The following ST6GALNAC3 variants were observed in gnomAD, a reference collection of about 807,000 sequenced individuals.
The protein encoded by ST6GALNAC3 is ST6 N-acetylgalactosaminide alpha-2,6-sialyltransferase 3, also known as alpha-N-acetylgalactosaminide alpha-2,6-sialyltransferase 3.
ST6GALNAC3 carries 25 observed loss-of-function variants against 32.7 expected under a neutral mutation model. The ratio of observed to expected loss-of-function variants is 0.76; its 90% CI spans 0.56 to 1.07. ST6GALNAC3 has a LOEUF of 1.07. Among genes scored for constraint, ST6GALNAC3 ranks in the 50% least tolerant of loss-of-function variants. The pLI is 0.00. For synonymous variants in ST6GALNAC3, 129 were observed against 133.1 expected (o/e 0.97, Z 0.21); for missense variants, 355 against 382.4 (o/e 0.93, Z 0.60).
intron 1 of ST6GALNAC3, among the ~76,000 whole-genome samples, chr1:76,304,953 A>G (rs1279357041): frequency 6.6e-6 from 1 of 152,050 alleles, no homozygotes; most frequent in African/African-American, 2.4e-5. Flanking sequence ...CATACAACCA[A>G]TGAAGCCTAT....
chr1:76,171,524 G>T (rs75703283), intron 1 of ST6GALNAC3, among the ~76,000 whole-genome samples: 16 of 149,620 alleles, frequency 1.1e-4, no homozygotes, highest in African/African-American at 3.9e-4. Context: ...AAAAATTAAC[G>T]AATAGATAGA....
At chr1:76,418,229 T>C (rs950935769) in intron 3 of ST6GALNAC3, among the ~76,000 whole-genome samples, 12 of 152,094 alleles carry the variant, frequency 7.9e-5, no homozygotes, top group African/African-American at 2.7e-4. Flanking sequence ...AGAGATGAAA[T>C]TGGCTCTCAT....
rs1343222785 is a variant in ST6GALNAC3, at chr1:76,629,831, GGT to G, written c.*1030_*1031del. 1 of 978,980 alleles carries G rather than the reference GGT, an allele frequency of 1.0e-6. No homozygotes were observed. Among genetic ancestry groups the G allele is most frequent in the African/African-American group, 1.8e-5 (1 of 56,978 alleles). 60.6% of individuals were successfully genotyped at this position (978,980 alleles called of 1,614,324 possible). ...TCAAATTTCTATTTTATAGGCCCAAGGTGTGTTTCTCCAAACATTACATTCTC... is the reference window on the plus strand; with the variant it reads ...TCAAATTTCTATTTTATAGGCCCAAGGTGTTTCTCCAAACATTACATTCTC... On this transcript the variant is annotated 3_prime_UTR_variant, in exon 5 of 5. Transcript: ENST00000328299.
At chr1:76,209,951 G>A (rs1010214953) in intron 1 of ST6GALNAC3, among the ~76,000 whole-genome samples, 1 of 151,972 alleles carries the variant, frequency 6.6e-6, no homozygotes, top group African/African-American at 2.4e-5. Context: ...TTAAGATAAC[G>A]TTGTCTCCAG....
intron 3 of ST6GALNAC3, among the ~76,000 whole-genome samples, chr1:76,531,468 A>G (rs1663250608): frequency 6.6e-6 from 1 of 152,162 alleles, no homozygotes; most frequent in Non-Finnish European, 1.5e-5. Flanking sequence ...GTTTGCTAAC[A>G]TGGGATTGGA....
intron 1 of ST6GALNAC3, among the ~76,000 whole-genome samples, chr1:76,145,464 A>G (rs1194230047): frequency 6.6e-6 from 1 of 152,178 alleles, no homozygotes; most frequent in African/African-American, 2.4e-5. Context: ...CCTTAGACCC[A>G]CTGACTCAAT....
intron 3 of ST6GALNAC3, among the ~76,000 whole-genome samples, chr1:76,575,054 A>T (rs554801483): frequency 1.8e-4 from 27 of 152,278 alleles, no homozygotes; most frequent in Admixed American, 1.8e-3. Context: ...CAAAATATTC[A>T]TTTTTATAGC....
intron 3 of ST6GALNAC3, among the ~76,000 whole-genome samples, chr1:76,579,992 T>C (rs916031952): frequency 1.3e-5 from 2 of 152,136 alleles, no homozygotes; most frequent in African/African-American, 4.8e-5. Flanking sequence ...TTAGATGTGA[T>C]ATTTTTATAA....
In ST6GALNAC3 at chr1:76,436,693, T is replaced by C. The variant is rs566362399; in HGVS notation, c.623+24276T>C. ...ACATTATATCATTTAATTCTTACAA[T>C]AATTTTTCCTTCATGAGGAAAAATA... is the stretch of plus-strand genomic sequence containing the variant. On this transcript the variant is annotated intron_variant, in intron 3 of 4. Transcript: ENST00000328299. 3.3e-5 allele frequency among the ~76,000 whole-genome samples: 5 copies of C among 152,254 alleles called. No individual in the cohort carries two copies. The South Asian group carries it at 1.0e-3, about 32-fold the overall frequency.
intron 3 of ST6GALNAC3, among the ~76,000 whole-genome samples, chr1:76,567,565 A>G (rs935428260): frequency 1.3e-5 from 2 of 152,228 alleles, no homozygotes; most frequent in Non-Finnish European, 2.9e-5. Flanking sequence ...CTATGCAGCC[A>G]CTTCACCAGA....
chr1:76,629,349 C>T lies in ST6GALNAC3; in HGVS notation c.*543C>T, dbSNP rs1423877601. On this transcript the variant is annotated 3_prime_UTR_variant, in exon 5 of 5. Coordinates refer to ENST00000328299, the MANE Select transcript of ST6GALNAC3 (RefSeq NM_152996.4). ...CTCTTCCTAATATACCATCTTTCTA[C>T]AGTATTTCCTACAGCTAAAGCCTCA... is the stretch of plus-strand genomic sequence containing the variant. 2 of 985,272 alleles carry T rather than the reference C, an allele frequency of 2.0e-6. No individual in the cohort carries two copies. The highest frequency in any genetic ancestry group is 2.4e-6 in the Non-Finnish European group (2 of 829,848). 61.0% of individuals were successfully genotyped at this position (985,272 alleles called of 1,614,324 possible).
intron 3 of ST6GALNAC3, among the ~76,000 whole-genome samples, chr1:76,479,574 G>A (rs1427187749): frequency 1.3e-5 from 2 of 152,164 alleles, no homozygotes; most frequent in South Asian, 2.1e-4. Flanking sequence ...GAGAGAACAT[G>A]CGCAAGGGTG....
At chr1:76,239,356 G>T (rs72675941) in intron 1 of ST6GALNAC3, among the ~76,000 whole-genome samples, 31,795 of 151,930 alleles carry the variant, frequency 0.21, 4,381 homozygotes, top group African/African-American at 0.4. Flanking sequence ...TTAATCCATT[G>T]TGCATTGCTA....
chr1:76,510,986 CTATCTG>C (rs748365668), intron 3 of ST6GALNAC3, among the ~76,000 whole-genome samples: 41 of 152,132 alleles, frequency 2.7e-4, no homozygotes, highest in Non-Finnish European at 5.3e-4. Context: ...AAATTGGGGA[CTATCTG>C]TATGTATTAA....
intron 3 of ST6GALNAC3, among the ~76,000 whole-genome samples, chr1:76,590,438 A>G (rs888143861): frequency 6.6e-6 from 1 of 152,204 alleles, no homozygotes; most frequent in African/African-American, 2.4e-5. Flanking sequence ...ATTAAACAAG[A>G]ACCATATATT....
At chr1:76,476,455 A>G (rs1659361132) in intron 3 of ST6GALNAC3, among the ~76,000 whole-genome samples, 1 of 152,186 alleles carries the variant, frequency 6.6e-6, no homozygotes, top group Admixed American at 6.5e-5. Context: ...TATGCCAGTA[A>G]GTATTTTTTA....
chr1:76,480,592 C>G (rs917218979), intron 3 of ST6GALNAC3, among the ~76,000 whole-genome samples: 15 of 152,094 alleles, frequency 9.9e-5, no homozygotes, highest in African/African-American at 3.6e-4. Context: ...CCTTAATGAT[C>G]TCCAAGGAAG....
At chr1:76,107,784 G>A (rs181043731) in intron 1 of ST6GALNAC3, among the ~76,000 whole-genome samples, 87 of 151,694 alleles carry the variant, frequency 5.7e-4, no homozygotes, top group Middle Eastern at 6.8e-3. Context: ...AAGCTTCTAT[G>A]GCAGATCTAC....
intron 1 of ST6GALNAC3, among the ~76,000 whole-genome samples, chr1:76,173,143 G>A (rs2100427910): frequency 6.6e-6 from 1 of 152,266 alleles, no homozygotes; most frequent in East Asian, 1.9e-4. Context: ...CAGACATACT[G>A]ACTAATGGAG....
Sources: allele counts gnomAD v4.1 joint callset (sites outside exome capture counted in the v4.1 genomes callset), GRCh38; gene constraint gnomAD v4.1.1; transcripts MANE v1.5; gene names NCBI Gene and HGNC (gene_info 2026-07-23, HGNC 2026-07-21).